Variants in SYCE2 observed in about 807,000 individuals in gnomAD.
The protein encoded by SYCE2 is synaptonemal complex central element protein 2.
A neutral mutation model predicts 27.9 loss-of-function variants in SYCE2; 3 were observed. That is an observed-to-expected ratio of 0.11 (90% CI 0.05 to 0.28). SYCE2 has a LOEUF of 0.28. Ranked by LOEUF, SYCE2 falls within the 10% of genes least tolerant of loss-of-function variation. The pLI is 1.00. For synonymous variants in SYCE2, 85 were observed against 100.7 expected, an observed-to-expected ratio of 0.84 and a Z score of 0.93; for missense variants, 207 against 263.5, an observed-to-expected ratio of 0.79 and a Z score of 1.48.
intron 3 of SYCE2, among the ~76,000 whole-genome samples, chr19:12,902,351 C>A (rs1970854636): frequency 6.6e-6 from 1 of 151,766 alleles, no homozygotes; most frequent in African/African-American, 2.4e-5. Context: ...GGTGCTGTAT[C>A]AAAATAAATA....
chr19:12,900,343 G>T, intron 4 of SYCE2, 117 bp downstream of exon 4: 1 of 1,205,420 alleles, frequency 8.3e-7, no homozygotes, highest in Non-Finnish European at 1.1e-6. Context: ...GGCTTTGCAG[G>T]GACTGTGGCC....
rs578203370 is a variant in SYCE2, at chr19:12,904,867, C to T, written c.132-201G>A. The T allele has an allele frequency of 1.4e-3, 667 of 485,584 alleles. 2 individuals carry two copies. The highest frequency in any genetic ancestry group is 1.9e-3 in the South Asian group (87 of 45,658). The allele number at this position is 485,584 out of a possible 1,614,324, so 30.1% of individuals were successfully genotyped here. On this transcript the variant is annotated intron_variant, in intron 2 of 5. Transcript: ENST00000293695. ...AAAAAAACAAAAAATTAGCCAGGCA[C>T]GGTGGCACGTGCCTGTAGTCCCAGC...
At chr19:12,917,591 G>A (rs1420725981) in intron 2 of SYCE2, among the ~76,000 whole-genome samples, 1 of 146,470 alleles carries the variant, frequency 6.8e-6, no homozygotes, top group African/African-American at 2.5e-5. Flanking sequence ...TCCATCTCTT[G>A]ACCTTTTGAT....
intron 1 of SYCE2, 22 bp downstream of exon 1, chr19:12,919,221 G>C (rs369791566): frequency 3.9e-5 from 63 of 1,610,646 alleles, no homozygotes; most frequent in Non-Finnish European, 5.1e-5. Context: ...CCACGCGCGA[G>C]AAGGAAACAA....
chr19:12,901,999 A>G (rs1345395524), intron 3 of SYCE2, among the ~76,000 whole-genome samples: 2 of 152,216 alleles, frequency 1.3e-5, no homozygotes, highest in African/African-American at 4.8e-5. Context: ...TGTATATACA[A>G]TGATGGCCCA....
At chr19:12,917,840 G>C (rs1971164559) in intron 2 of SYCE2, among the ~76,000 whole-genome samples, 1 of 151,704 alleles carries the variant, frequency 6.6e-6, no homozygotes, top group South Asian at 2.1e-4. Flanking sequence ...TGTATTTTTA[G>C]TAGAGACGGG....
intron 2 of SYCE2, among the ~76,000 whole-genome samples, chr19:12,912,827 G>C (rs1049639100): frequency 2.0e-5 from 3 of 151,670 alleles, no homozygotes; most frequent in Non-Finnish European, 4.4e-5. Flanking sequence ...TTTCATGGTA[G>C]GACAAAGGCC....
rs1217295876 is a variant in SYCE2 at position 12,899,142 on chromosome 19, G to A, written c.*199C>T. ...GTGGGGAGAACTTGCCAAGGGTGGGGAGCACGAAGCCTGGGCCTATGGCAG... is the reference window on the plus strand; with the variant it reads ...GTGGGGAGAACTTGCCAAGGGTGGGAAGCACGAAGCCTGGGCCTATGGCAG... On this transcript the variant is annotated 3_prime_UTR_variant, in exon 6 of 6. Coordinates refer to ENST00000293695, the MANE Select transcript of SYCE2 (RefSeq NM_001105578.2). 1.2e-5 allele frequency: 7 copies of A among 597,716 alleles called. No individual in the cohort carries two copies. The highest frequency in any genetic ancestry group is 2.9e-5 in the Admixed American group (1 of 34,248). 37.0% of individuals were successfully genotyped at this position (597,716 alleles called of 1,614,324 possible).
intron 3 of SYCE2, among the ~76,000 whole-genome samples, chr19:12,902,641 A>T (rs1402880475): frequency 7.2e-5 from 11 of 152,046 alleles, no homozygotes; most frequent in East Asian, 3.9e-4. Flanking sequence ...ACCTCTAAAA[A>T]TATAAATAAA....
chr19:12,900,421 C>A, intron 4 of SYCE2, 39 bp downstream of exon 4: 1 of 1,599,072 alleles, frequency 6.3e-7, no homozygotes, highest in East Asian at 2.2e-5. Context: ...TCCCTGTCCT[C>A]TTCCTCAGGC....
At chr19:12,918,679 C>T (rs1377822416) in intron 1 of SYCE2, among the ~76,000 whole-genome samples, 1 of 152,046 alleles carries the variant, frequency 6.6e-6, no homozygotes, top group Non-Finnish European at 1.5e-5. Flanking sequence ...TGAGGCCGGG[C>T]GCGGTGGCTC....
chr19:12,919,038 G>C (rs1380161079), intron 1 of SYCE2, among the ~76,000 whole-genome samples: 4 of 152,098 alleles, frequency 2.6e-5, no homozygotes, highest in African/African-American at 9.7e-5. Context: ...CACGCGCCAT[G>C]TGTGGAAATC....
In SYCE2 at chr19:12,899,200, A is replaced by G. The variant is rs1163695020; in HGVS notation, c.*141T>C. 1.3e-6 allele frequency: 1 copy of G among 758,520 alleles called. No individual in the cohort carries two copies. The highest frequency in any genetic ancestry group is 2.2e-6 in the Non-Finnish European group (1 of 455,072). The allele number at this position is 758,520 out of a possible 1,614,324, so 47.0% of individuals were successfully genotyped here. On this transcript the variant is annotated 3_prime_UTR_variant, in exon 6 of 6. Transcript: ENST00000293695. ...ACTTGCTACATTTTGGGAGTTCAGCACAAGGAGCTTTGGGTTTTTGTTTTT... is the reference window on the plus strand; with the variant it reads ...ACTTGCTACATTTTGGGAGTTCAGCGCAAGGAGCTTTGGGTTTTTGTTTTT...
intron 2 of SYCE2, among the ~76,000 whole-genome samples, chr19:12,908,430 T>C (rs1224528429): frequency 6.6e-6 from 1 of 151,808 alleles, no homozygotes; most frequent in African/African-American, 2.4e-5. Context: ...GTTCACGCCA[T>C]TCTCTTTCCT....
intron 2 of SYCE2, among the ~76,000 whole-genome samples, chr19:12,909,652 C>T (rs759949206): frequency 4.1e-4 from 62 of 152,090 alleles, no homozygotes; most frequent in African/African-American, 1.2e-3. Flanking sequence ...CTGCAACCTC[C>T]GCCTCCCGGG....
intron 5 of SYCE2, 62 bp downstream of exon 5, chr19:12,899,942 A>G (rs530280983): frequency 6.5e-7 from 1 of 1,543,208 alleles, no homozygotes; most frequent in African/African-American, 1.4e-5. Context: ...AGAGTGAGGG[A>G]GAGGAAAATA....
chr19:12,905,345 T>A (rs980239237), intron 2 of SYCE2, among the ~76,000 whole-genome samples: 13 of 152,190 alleles, frequency 8.5e-5, no homozygotes, highest in Admixed American at 8.5e-4. Context: ...CTTTCTTTTT[T>A]TTTTGAGACG....
rs1970802333 is a variant in SYCE2 at position 12,900,025 on chromosome 19, A to AGAAGAAAC, written c.583_590dup (p.Val198PhefsTer42). 1 of 1,613,486 alleles carries AGAAGAAAC rather than the reference A, an allele frequency of 6.2e-7. No individual in the cohort carries two copies. On this transcript the variant is annotated frameshift_variant, in exon 5 of 6. Transcript: ENST00000293695. LOFTEE classifies it low-confidence loss of function (END_TRUNC). ...CCACCTGAGAAGTAGTTTCAGCCAC[A>AGAAGAAAC]GAAGAAACGAACACGTCTGGGGGCT...
chr19:12,906,832 C>T (rs182907818), intron 2 of SYCE2, among the ~76,000 whole-genome samples: 12 of 151,644 alleles, frequency 7.9e-5, no homozygotes, highest in Admixed American at 7.9e-4. Context: ...CGCTTGAACT[C>T]GGGAGCCGAG....
Sources: allele counts gnomAD v4.1 joint callset (sites outside exome capture counted in the v4.1 genomes callset), GRCh38; gene constraint gnomAD v4.1.1; transcripts MANE v1.5; gene names NCBI Gene and HGNC (gene_info 2026-07-23, HGNC 2026-07-21).